The following DQX1 variants were observed in gnomAD, a reference collection of about 807,000 sequenced individuals.
The protein encoded by DQX1 is ATP-dependent RNA helicase homolog DQX1.
Under a neutral mutation model 81.3 loss-of-function variants are expected in DQX1, and 66 were observed. The ratio of observed to expected loss-of-function variants is 0.81; its 90% confidence interval spans 0.67 to 1.00. The LOEUF (loss-of-function observed/expected upper bound fraction) is 1.00, where lower values mean the gene tolerates loss of function less well. DQX1 is among the 50% of genes least tolerant of loss of function. DQX1 has a pLI of 0.00. For synonymous variants in DQX1, 290 were observed against 350.0 expected (o/e 0.83, Z 1.91); for missense variants, 798 against 867.9 (o/e 0.92, Z 1.01).
At position 74,525,420 on chromosome 2, in the gene DQX1, TTCCCTTTGTCC is replaced by T. The variant is rs752442851; in HGVS notation, c.237+62_237+72del. On this transcript the variant is annotated intron_variant, in intron 2 of 11. Transcript: ENST00000404568. The surrounding 1 kb of genome is among the most constrained non-coding windows in gnomAD (Gnocchi z 4.1). ...CCCCCTTGCCCAGGGAAAGGCCACT[TTCCCTTTGTCC>T]TCCCTTTGTCCTCCCTTTGTCCACT... 2,030 of 1,474,286 alleles carry T rather than the reference TTCCCTTTGTCC, an allele frequency of 1.4e-3. 11 individuals carry two copies. The highest frequency in any genetic ancestry group is 8.8e-3 in the Middle Eastern group (40 of 4,558). 91.3% of individuals were successfully genotyped at this position (1,474,286 alleles called of 1,614,324 possible). A position where few individuals can be genotyped will look rare whatever the true frequency, so the allele number is the denominator to read the frequency against.
At chr2:74,522,236 T>C (rs1031398374) in intron 8 of DQX1, among the ~76,000 whole-genome samples, 6 of 152,156 alleles carry the variant, frequency 3.9e-5, no homozygotes, top group African/African-American at 1.4e-4. Flanking sequence ...TTCACTGGCA[T>C]GGTAGACCTG....
chr2:74,525,629 C>T lies in DQX1; in HGVS notation c.101G>A (p.Arg34His), dbSNP rs796594756. ...GCGCTGCTTCAGCAGCTCATAGTAG[C>T]GGGAAGAGAAGGGAAGCCCATCAAA... ...NPFDGLPFSS[R>H]YYELLKQRQA... is the part of the protein sequence containing the mutation. The change falls in exon 2 of 12, where the codon CGC becomes CAC. Residue 34 changes from arginine (R) to histidine (H), a missense_variant. Transcript: ENST00000404568. This position sits in a 1 kb window ranked among gnomAD's most constrained non-coding sequence, Gnocchi z 4.1. 3.9e-5 allele frequency: 61 copies of T among 1,551,652 alleles called. No individual in the cohort carries two copies. The highest frequency in any genetic ancestry group is 1.8e-4 in the Admixed American group (9 of 50,988).
intron 10 of DQX1, 76 bp downstream of exon 10, chr2:74,519,480 C>A: frequency 6.5e-7 from 1 of 1,547,374 alleles, no homozygotes. Flanking sequence ...ACCCTGATTT[C>A]AAAGTGGCTT....
At chr2:74,518,972 C>G in intron 11 of DQX1, 68 bp downstream of exon 11, 1 of 1,421,712 alleles carries the variant, frequency 7.0e-7, no homozygotes, top group Non-Finnish European at 9.4e-7. Flanking sequence ...GTCTCTCTAA[C>G]TCCCCAGCCA....
At position 74,525,814 on chromosome 2, in the gene DQX1, CT is replaced by C; in HGVS notation, c.-19-67del. On this transcript the variant is annotated intron_variant, in intron 1 of 11. Coordinates refer to ENST00000404568, the MANE Select transcript of DQX1 (RefSeq NM_133637.3). The surrounding 1 kb of genome is among the most constrained non-coding windows in gnomAD (Gnocchi z 4.1). ...CCGACACCATCTTCCCACCTCAGCC[CT>C]GATCCTTAACCTCTACCTTCAGTTG... The C allele has an allele frequency of 8.5e-7, 1 of 1,176,414 alleles. No individual in the cohort carries two copies. Among genetic ancestry groups the C allele is most frequent in the South Asian group, 1.5e-5 (1 of 67,332 alleles). 72.9% of individuals were successfully genotyped at this position (1,176,414 alleles called of 1,614,324 possible).
rs201543859 is a variant in DQX1, at chr2:74,519,965, G to A, written c.1565C>T (p.Thr522Met). ...GATCAGAGAACTGTGGTCACCATCC[G>A]TGTGTTCCAGGGCCCGACGCAGGGC... ...EAALRRALEHTDGDHSSLIQV... is the reference protein window; with the variant it reads ...EAALRRALEHMDGDHSSLIQV... Residue 522 changes from threonine to methionine, a missense_variant, in exon 9 of 12, where the codon ACG becomes ATG. Coordinates refer to ENST00000404568, the MANE Select transcript of DQX1 (RefSeq NM_133637.3). 4.3e-5 allele frequency: 69 copies of A among 1,614,192 alleles called. No individual in the cohort carries two copies. Among genetic ancestry groups the A allele is most frequent in the South Asian group, 1.1e-4 (10 of 91,086 alleles).
rs1180960165 is a variant in DQX1 at position 74,522,498 on chromosome 2, G to C, written c.1495+82C>G. ...GTGGCAACTGGAGCAGAGAGGAAAG[G>C]GCTAGCCTCAGGAGCACCAAAACCC... On this transcript the variant is annotated intron_variant, in intron 8 of 11. Transcript: ENST00000404568. 16 of 1,516,374 alleles carry C rather than the reference G, an allele frequency of 1.1e-5. No individual in the cohort carries two copies. In the East Asian group the frequency reaches 3.4e-4, roughly 32 times the overall value. 93.9% of individuals were successfully genotyped at this position (1,516,374 alleles called of 1,614,324 possible).
chr2:74,519,826 C>T, intron 9 of DQX1, 80 bp from the exon 10 acceptor site: 1 of 1,601,716 alleles, frequency 6.2e-7, no homozygotes, highest in Non-Finnish European at 8.5e-7. Context: ...AGGGCCTCCT[C>T]TTTCTGAGCA....
intron 3 of DQX1, 30 bp from the exon 4 acceptor site, chr2:74,524,337 CAG>C (rs1400716581): frequency 6.3e-7 from 1 of 1,592,930 alleles, no homozygotes; most frequent in East Asian, 2.2e-5. Flanking sequence ...GCAGAGGAAT[CAG>C]TGTGGACACT....
At chr2:74,520,357 G>C (rs1267479522) in intron 8 of DQX1, among the ~76,000 whole-genome samples, 1 of 152,224 alleles carries the variant, frequency 6.6e-6, no homozygotes, top group African/African-American at 2.4e-5. Flanking sequence ...GGATGTGAGT[G>C]ATGTAAGAGA....
Position 74,525,158 on chromosome 2 carries a change from C to A in DQX1, c.282G>T (p.Gln94His). ...CAEFALARGF[Q>H]KGQVTVTQPY... is the part of the protein sequence containing the mutation. ...GCTGAGTAACAGTAACCTGTCCTTT[C>A]TGGAACCCTCTGGCCAGCGCAAACT... The change falls in exon 3 of 12, where the codon CAG (glutamine) becomes CAT (histidine). Residue 94 changes from glutamine (Q) to histidine (H), a missense_variant. Gln to His is a conservative substitution (Grantham distance 24, BLOSUM62 0). Transcript: ENST00000404568. The surrounding 1 kb of genome is among the most constrained non-coding windows in gnomAD (Gnocchi z 4.1). 1.2e-6 allele frequency: 2 copies of A among 1,609,508 alleles called. No homozygotes were observed. The highest frequency in any genetic ancestry group is 1.1e-5 in the South Asian group (1 of 90,580).
In DQX1 at chr2:74,525,887, AG is replaced by A; in HGVS notation, c.-19-140del. 3.1e-6 allele frequency: 2 copies of A among 638,124 alleles called. No individual in the cohort carries two copies. Among genetic ancestry groups the A allele is most frequent in the South Asian group, 4.0e-5 (2 of 50,372 alleles). The allele number at this position is 638,124 out of a possible 1,614,324, so 39.5% of individuals were successfully genotyped here. ...TTCCCAGCATTTCCTGCCAGGAAAC[AG>A]TGCTAGGTATTTTGATAAAGGGCTA... On this transcript the variant is annotated intron_variant, in intron 1 of 11. Transcript: ENST00000404568. This position sits in a 1 kb window ranked among gnomAD's most constrained non-coding sequence, Gnocchi z 4.1.
intron 8 of DQX1, 54 bp downstream of exon 8, chr2:74,522,526 G>C: frequency 6.4e-7 from 1 of 1,562,108 alleles, no homozygotes; most frequent in Non-Finnish European, 8.7e-7. Flanking sequence ...CAAAACCCAA[G>C]AGGAAGGGCT....
At chr2:74,520,473 A>C (rs903178617) in intron 8 of DQX1, among the ~76,000 whole-genome samples, 1 of 152,218 alleles carries the variant, frequency 6.6e-6, no homozygotes, top group African/African-American at 2.4e-5. Context: ...CATGGCACGT[A>C]AGTTAATAAT....
chr2:74,522,733 A>C lies in DQX1; in HGVS notation c.1342T>G (p.Tyr448Asp). The C allele has an allele frequency of 6.2e-7, 1 of 1,614,190 alleles. No individual in the cohort carries two copies. Among genetic ancestry groups the C allele is most frequent in the Non-Finnish European group, 8.5e-7 (1 of 1,180,032 alleles). ...CCATCATCATCCAGGGCTGCCAGAT[A>C]GTCTAAATCTTCCAGGGCTTGCATC... Reference protein sequence around the residue: ...ALMQALEDLDYLAALDDDGDL... With the variant: ...ALMQALEDLDDLAALDDDGDL... Residue 448 changes from tyrosine (Y) to aspartate (D), a missense_variant, in exon 8 of 12, where the codon TAT becomes GAT. Physicochemically the swap from Tyr to Asp is radical, Grantham distance 160. Transcript: ENST00000404568.
Position 74,523,467 on chromosome 2 carries a change from CGTG to C in DQX1, c.884_886del (p.Pro295del), listed in dbSNP as rs770357979. 109 of 1,613,634 alleles carry C rather than the reference CGTG, an allele frequency of 6.8e-5. No homozygotes were observed. The Middle Eastern group carries it at 9.9e-4, about 15-fold the overall frequency. On this transcript the variant is annotated inframe_deletion, in exon 5 of 12. Coordinates refer to ENST00000404568, the MANE Select transcript of DQX1 (RefSeq NM_133637.3). ...ACAGTCTGGGTGAAGGGGCAGTACTCGTGGTGGAAGCCCTTGGAGAAGCAAGGA... is the reference window on the plus strand; with the variant it reads ...ACAGTCTGGGTGAAGGGGCAGTACTCGTGGAAGCCCTTGGAGAAGCAAGGA...
rs543985181 is a variant in DQX1, at chr2:74,522,074, C to A, written c.1495+506G>T. ...ATGACCAGAGACGTAGGATGAAATC[C>A]ATGAGGAGCAGCGTTACAGAGGCCT... is the stretch of plus-strand genomic sequence containing the variant. On this transcript the variant is annotated intron_variant, in intron 8 of 11. Coordinates refer to ENST00000404568, the MANE Select transcript of DQX1 (RefSeq NM_133637.3). 2.6e-5 allele frequency among the ~76,000 whole-genome samples: 4 copies of A among 152,288 alleles called. No individual in the cohort carries two copies. In the East Asian group the frequency reaches 5.8e-4, roughly 22 times the overall value.
intron 4 of DQX1, 36 bp from the exon 5 acceptor site, chr2:74,523,573 C>T: frequency 6.3e-7 from 1 of 1,593,608 alleles, no homozygotes; most frequent in Non-Finnish European, 8.6e-7. Flanking sequence ...TAGGGCAGTT[C>T]TCACGTTTTT....
chr2:74,524,102 G>C lies in DQX1; in HGVS notation c.637C>G (p.Arg213Gly). 2 of 1,614,128 alleles carry C rather than the reference G, an allele frequency of 1.2e-6. No homozygotes were observed. The highest frequency in any genetic ancestry group is 1.7e-6 in the Non-Finnish European group (2 of 1,180,028). ...ATAGGAGGATTGCCCCAGAAAGCTC[G>C]GAGCTTAGGTTCAAGGGCTGGGTCA... ...VTDPALEPKL[R>G]AFWGNPPIVH... Residue 213 changes from arginine (R) to glycine (G), a missense_variant, in exon 4 of 12, where the codon CGA becomes GGA. Transcript: ENST00000404568.
Sources: allele counts gnomAD v4.1 joint callset (sites outside exome capture counted in the v4.1 genomes callset), GRCh38; gene constraint gnomAD v4.1.1; non-coding constraint Gnocchi (gnomAD v3.1); transcripts MANE v1.5; gene names NCBI Gene and HGNC (gene_info 2026-07-23, HGNC 2026-07-21).